Variants in TRIM66 observed in about 807,000 individuals in gnomAD.
TRIM66 encodes tripartite motif-containing protein 66.
TRIM66 carries 99 observed loss-of-function variants against 148.2 expected under a neutral mutation model. The observed-to-expected ratio is 0.67, with a 90% CI of 0.57 to 0.79. The LOEUF is 0.79. Ranked by LOEUF, TRIM66 falls within the 30% of genes least tolerant of loss-of-function variation. The probability of loss-of-function intolerance (pLI) is 0.00; values close to 1 mark genes in which losing one functional copy is unlikely to be tolerated. For missense variants in TRIM66, 1,666 were observed against 1,697.9 expected (o/e 0.98, Z 0.33); for synonymous variants, 616 against 635.9 (o/e 0.97, Z 0.47).
chr11:8,653,431 C>G (rs2037535063), intron 6 of TRIM66, among the ~76,000 whole-genome samples: 1 of 152,174 alleles, frequency 6.6e-6, no homozygotes, highest in African/African-American at 2.4e-5. Context: ...AAAATCTAAC[C>G]TGGCATTGAG....
intron 15 of TRIM66, among the ~76,000 whole-genome samples, chr11:8,634,360 G>A (rs2035687255): frequency 6.6e-6 from 1 of 152,118 alleles, no homozygotes; most frequent in South Asian, 2.1e-4. Context: ...GTAGAGACTG[G>A]GTTTCACCAT....
intron 6 of TRIM66, among the ~76,000 whole-genome samples, chr11:8,659,161 C>A (rs2038073047): frequency 6.6e-6 from 1 of 151,956 alleles, no homozygotes; most frequent in Non-Finnish European, 1.5e-5. Context: ...GGGGGAGTGG[C>A]AGGGATGTGC....
chr11:8,674,717 A>T lies in TRIM66; in HGVS notation c.-112+89T>A, dbSNP rs190339980. On this transcript the variant is annotated intron_variant, in intron 4 of 24. Coordinates refer to ENST00000646038, the MANE Select transcript of TRIM66 (RefSeq NM_001388022.1). ...AAAAAAATCAACTACTTTCAAAAAA[A>T]TTAATTTAATGAGAAGAGTCACATT... is the stretch of plus-strand genomic sequence containing the variant. 5.9e-5 allele frequency: 9 copies of T among 152,340 alleles called. No individual in the cohort carries two copies. The East Asian group carries it at 1.7e-3, about 29-fold the overall frequency. 9.4% of individuals were successfully genotyped at this position (152,340 alleles called of 1,614,324 possible).
At chr11:8,664,157 T>C (rs2038438803) in intron 6 of TRIM66, among the ~76,000 whole-genome samples, 2 of 152,236 alleles carry the variant, frequency 1.3e-5, no homozygotes, top group African/African-American at 4.8e-5. Flanking sequence ...ATGATAACTA[T>C]GTGAGGTGTT....
At chr11:8,655,834 C>T (rs1237982247) in intron 6 of TRIM66, among the ~76,000 whole-genome samples, 1 of 151,860 alleles carries the variant, frequency 6.6e-6, no homozygotes, top group Non-Finnish European at 1.5e-5. Context: ...TTCTCTTGGG[C>T]AAGATAGGAA....
rs2033916949 is a variant in TRIM66 at position 8,618,765 on chromosome 11, C to A, written c.4104G>T (p.Arg1368Ser). Residue 1368 changes from arginine to serine, a missense_variant, in exon 24 of 25, where the codon AGG becomes AGT. Arg to Ser is a moderately radical substitution (Grantham distance 110). This residue lies in a region of TRIM66 where 204 missense variants were observed against 231.0 expected (regional missense o/e 0.88). Transcript: ENST00000646038. ...AACTCTTTACCATATGTCGTCGCCGCCTCTTGGGTTGGATGCCCTCCTGCA... is the reference window on the plus strand; with the variant it reads ...AACTCTTTACCATATGTCGTCGCCGACTCTTGGGTTGGATGCCCTCCTGCA... ...PYMQEGIQPK[R>S]RRRHMENERA... 1 of 1,550,512 alleles carries A rather than the reference C, an allele frequency of 6.4e-7. No homozygotes were observed. The highest frequency in any genetic ancestry group is 8.7e-7 in the Non-Finnish European group (1 of 1,146,836).
intron 15 of TRIM66, among the ~76,000 whole-genome samples, chr11:8,630,010 C>G (rs1329295144): frequency 6.6e-5 from 10 of 152,134 alleles, no homozygotes; most frequent in African/African-American, 2.4e-4. Context: ...TATCGGCTCT[C>G]TAGAGTGAAG....
chr11:8,637,237 T>G (rs977674366), intron 15 of TRIM66, among the ~76,000 whole-genome samples: 1 of 152,160 alleles, frequency 6.6e-6, no homozygotes, highest in Non-Finnish European at 1.5e-5. Context: ...TGGGACCGAC[T>G]ATCTTATTCA....
At chr11:8,629,951 T>C (rs1349343414) in intron 15 of TRIM66, among the ~76,000 whole-genome samples, 1 of 152,218 alleles carries the variant, frequency 6.6e-6, no homozygotes, top group Non-Finnish European at 1.5e-5. Context: ...GCAGACACAA[T>C]GGCATTTCTG....
At chr11:8,619,738 G>A (rs894170233) in intron 22 of TRIM66, among the ~76,000 whole-genome samples, 4 of 152,256 alleles carry the variant, frequency 2.6e-5, no homozygotes, top group Admixed American at 2.6e-4. Flanking sequence ...CACCTGTCAA[G>A]TAGGATCTGA....
chr11:8,653,608 C>T (rs1592148879), intron 6 of TRIM66, among the ~76,000 whole-genome samples: 1 of 151,958 alleles, frequency 6.6e-6, no homozygotes, highest in South Asian at 2.1e-4. Flanking sequence ...GAAGAATTAC[C>T]CAGAGAATCC....
At chr11:8,676,098 G>A (rs2039165731) in intron 3 of TRIM66, among the ~76,000 whole-genome samples, 1 of 152,188 alleles carries the variant, frequency 6.6e-6, no homozygotes, top group South Asian at 2.1e-4. Flanking sequence ...TTCTCACTTT[G>A]ATATGTAGTA....
At chr11:8,637,944 G>C (rs1373210244) in intron 15 of TRIM66, among the ~76,000 whole-genome samples, 1 of 152,166 alleles carries the variant, frequency 6.6e-6, no homozygotes, top group Non-Finnish European at 1.5e-5. Context: ...AGATAGTTGA[G>C]GATTTGTGGG....
At position 8,625,272 on chromosome 11, in the gene TRIM66, G is replaced by C. The variant is rs762257135; in HGVS notation, c.2311-44C>G. On this transcript the variant is annotated intron_variant, in intron 15 of 24. Coordinates refer to ENST00000646038, the MANE Select transcript of TRIM66 (RefSeq NM_001388022.1). ...GGGGTAGAGTCAGGCTGCTAGCTGG[G>C]AATGGAGGGAGGGAGAGGAGGGACC... 26 of 1,455,748 alleles carry C rather than the reference G, an allele frequency of 1.8e-5. No individual in the cohort carries two copies. The African/African-American group carries it at 3.1e-4, about 18-fold the overall frequency. 90.2% of individuals were successfully genotyped at this position (1,455,748 alleles called of 1,614,324 possible).
chr11:8,632,882 T>C (rs573341244), intron 15 of TRIM66, among the ~76,000 whole-genome samples: 1 of 152,304 alleles, frequency 6.6e-6, no homozygotes, highest in East Asian at 1.9e-4. Context: ...TGCAGATATA[T>C]GATAACTTAG....
At chr11:8,623,957 C>G (rs1161022414) in intron 17 of TRIM66, among the ~76,000 whole-genome samples, 2 of 152,194 alleles carry the variant, frequency 1.3e-5, no homozygotes, top group African/African-American at 4.8e-5. Context: ...GGTTAGGTAT[C>G]TTACCCGGGA....
Position 8,620,053 on chromosome 11 carries a change from G to C in TRIM66, c.3744C>G (p.Pro1248=), listed in dbSNP as rs369756388. The change falls in exon 22 of 25, where the codon CCC becomes CCG. Residue 1248 remains proline (P), a synonymous_variant. Transcript: ENST00000646038. The part of the protein sequence containing the change: ...LSLPFHEPVS[P]LARHYYQIIK... Reference sequence around the variant, plus strand: ...AGAACAGCGTGGCCTTCCTTACCAGGGGGCTGACAGGTTCATGGAAGGGCA... The same window carrying C: ...AGAACAGCGTGGCCTTCCTTACCAGCGGGCTGACAGGTTCATGGAAGGGCA... 4.5e-6 allele frequency: 7 copies of C among 1,551,546 alleles called. No individual in the cohort carries two copies. Among genetic ancestry groups the C allele is most frequent in the Middle Eastern group, 1.7e-4 (1 of 6,010 alleles).
intron 6 of TRIM66, among the ~76,000 whole-genome samples, chr11:8,660,205 C>A (rs1180192369): frequency 2.0e-5 from 3 of 152,080 alleles, no homozygotes; most frequent in Non-Finnish European, 4.4e-5. Flanking sequence ...ACAATTTGGC[C>A]CTAAATTTCC....
intron 18 of TRIM66, 131 bp downstream of exon 18, chr11:8,622,685 G>A (rs2034418567): frequency 5.2e-6 from 4 of 776,246 alleles, no homozygotes; most frequent in Non-Finnish European, 8.7e-6. Flanking sequence ...GAAGGTTGAG[G>A]GGTTGAGGAA....
Sources: allele counts gnomAD v4.1 joint callset (sites outside exome capture counted in the v4.1 genomes callset), GRCh38; gene constraint gnomAD v4.1.1; regional missense constraint gnomAD v4.1.1; transcripts MANE v1.5; gene names NCBI Gene and HGNC (gene_info 2026-07-23, HGNC 2026-07-21).